Variants in NFAT5 observed in about 807,000 individuals in gnomAD.
NFAT5 encodes the protein nuclear factor of activated T cells 5.
In NFAT5, 31 loss-of-function variants were observed where a neutral mutation model predicts 166.5. The observed-to-expected ratio is 0.19, with a 90% CI of 0.14 to 0.25. The LOEUF is 0.25. Among genes scored for constraint, NFAT5 ranks in the 10% least tolerant of loss-of-function variants. NFAT5 has a pLI of 1.00. For missense variants in NFAT5, 1,449 were observed against 1,821.8 expected (o/e 0.80, Z 3.72); for synonymous variants, 612 against 639.7 (o/e 0.96, Z 0.65).
chr16:69,658,371 T>C (rs2035981002), intron 6 of NFAT5, among the ~76,000 whole-genome samples: 1 of 151,208 alleles, frequency 6.6e-6, no homozygotes, highest in Non-Finnish European at 1.5e-5. Flanking sequence ...TAGTCCCAGC[T>C]ACTTGAGAGG....
At chr16:69,597,158 A>G (rs998069574) in intron 2 of NFAT5, among the ~76,000 whole-genome samples, 7 of 152,174 alleles carry the variant, frequency 4.6e-5, no homozygotes, top group African/African-American at 9.7e-5. Flanking sequence ...GAATTGAAAG[A>G]AATTCAGTAT....
intron 2 of NFAT5, among the ~76,000 whole-genome samples, chr16:69,600,037 A>T (rs1450851520): frequency 1.3e-5 from 2 of 152,176 alleles, no homozygotes; most frequent in Non-Finnish European, 2.9e-5. Context: ...AGGTAATTGA[A>T]GTAGTTCAGG....
intron 2 of NFAT5, among the ~76,000 whole-genome samples, chr16:69,605,269 A>G (rs2033344185): frequency 6.6e-6 from 1 of 152,072 alleles, no homozygotes; most frequent in African/African-American, 2.4e-5. Context: ...GTGAAACCCC[A>G]TCTCTACTAA....
At chr16:69,609,019 G>T (rs998158209) in intron 2 of NFAT5, among the ~76,000 whole-genome samples, 1 of 151,514 alleles carries the variant, frequency 6.6e-6, no homozygotes, top group African/African-American at 2.4e-5. Context: ...TACTCGGGAG[G>T]CTGAGGCAGG....
At chr16:69,689,877 A>G (rs1407445716) in intron 11 of NFAT5, among the ~76,000 whole-genome samples, 2 of 152,232 alleles carry the variant, frequency 1.3e-5, no homozygotes, top group Non-Finnish European at 2.9e-5. Context: ...AACAACAACA[A>G]AAATTTATGA....
At chr16:69,605,237 C>G (rs1017048096) in intron 2 of NFAT5, among the ~76,000 whole-genome samples, 1 of 152,060 alleles carries the variant, frequency 6.6e-6, no homozygotes, top group Middle Eastern at 3.2e-3. Context: ...TTCAGGAGTT[C>G]GAGATCTGCC....
Position 69,566,548 on chromosome 16 carries a change from G to A in NFAT5, c.73+174G>A, listed in dbSNP as rs564493520. On this transcript the variant is annotated intron_variant, in intron 1 of 14. Transcript: ENST00000349945. The surrounding 1 kb of genome is among the most constrained non-coding windows in gnomAD (Gnocchi z 5.7). Reference sequence around the variant, plus strand: ...AAGGGATCGGGGTGACGGTGGAGGGGGCGGGCGGAGCAGTGGCGGCCCCTC... The same window carrying A: ...AAGGGATCGGGGTGACGGTGGAGGGAGCGGGCGGAGCAGTGGCGGCCCCTC... 1.1e-4 allele frequency among the ~76,000 whole-genome samples: 16 copies of A among 152,220 alleles called. No homozygotes were observed. The highest frequency in any genetic ancestry group is 3.4e-4 in the African/African-American group (14 of 41,558).
At chr16:69,573,120 G>C (rs1352769757) in intron 2 of NFAT5, among the ~76,000 whole-genome samples, 1 of 152,154 alleles carries the variant, frequency 6.6e-6, no homozygotes, top group Non-Finnish European at 1.5e-5. Flanking sequence ...AGGATTACGG[G>C]CATGTGCCAC....
intron 3 of NFAT5, among the ~76,000 whole-genome samples, chr16:69,631,612 G>A (rs750992063): frequency 6.6e-6 from 1 of 151,650 alleles, no homozygotes; most frequent in African/African-American, 2.4e-5. Context: ...ATACTTCATA[G>A]CAATTGTGCT....
At chr16:69,581,909 A>G (rs12102305) in intron 2 of NFAT5, among the ~76,000 whole-genome samples, 24,587 of 152,042 alleles carry the variant, frequency 0.16, 2,173 homozygotes, top group East Asian at 0.36. Context: ...CTTAAAATCT[A>G]TTTTCTTAGT....
intron 2 of NFAT5, among the ~76,000 whole-genome samples, chr16:69,577,648 T>G (rs1305524814): frequency 6.6e-6 from 1 of 152,104 alleles, no homozygotes; most frequent in African/African-American, 2.4e-5. Context: ...TGGGCAGGAT[T>G]AACTACAAAG....
chr16:69,585,260 C>T (rs984552934), intron 2 of NFAT5, among the ~76,000 whole-genome samples: 21 of 151,944 alleles, frequency 1.4e-4, no homozygotes, highest in African/African-American at 2.9e-4. Context: ...CCACCTGCCT[C>T]GGCCTCCCAA....
At chr16:69,649,985 A>G (rs2035600198) in intron 4 of NFAT5, among the ~76,000 whole-genome samples, 1 of 151,942 alleles carries the variant, frequency 6.6e-6, no homozygotes, top group African/African-American at 2.4e-5. Flanking sequence ...AAAGCTTAGT[A>G]TTTGAATATT....
chr16:69,695,162 C>T lies in NFAT5; in HGVS notation c.4441C>T (p.Pro1481Ser). The part of the protein sequence containing the change: ...NNCSQLLTSG[P>S]ATLPDQLMAI... ...CTGTAGTCAGCTTTTAACCTCTGGA[C>T]CAGCTACATTGCCTGATCAGTTGAT... The change falls in exon 14 of 15, where the codon CCA becomes TCA. Residue 1481 changes from proline to serine, a missense_variant. Transcript: ENST00000349945. 6.2e-7 allele frequency: 1 copy of T among 1,614,136 alleles called. No individual in the cohort carries two copies. The highest frequency in any genetic ancestry group is 8.5e-7 in the Non-Finnish European group (1 of 1,179,998).
chr16:69,673,743 A>C (rs2151678953), intron 9 of NFAT5, among the ~76,000 whole-genome samples: 1 of 152,154 alleles, frequency 6.6e-6, no homozygotes, highest in South Asian at 2.1e-4. Context: ...AAGACAACAC[A>C]CTTTGGATGT....
intron 4 of NFAT5, chr16:69,649,172 A>T: frequency 6.4e-6 from 6 of 943,072 alleles, no homozygotes; most frequent in Non-Finnish European, 6.3e-6. Context: ...TACAGCAGGT[A>T]AATACTTAAG....
At chr16:69,568,383 T>TATATATATACAC in intron 1 of NFAT5, 112 bp from the exon 2 acceptor site, 1 of 303,994 alleles carries the variant, frequency 3.3e-6, no homozygotes, top group Non-Finnish European at 5.7e-6. Flanking sequence ...TGTGTATATA[T>TATATATATACAC]ATATATATAT....
In NFAT5 at chr16:69,616,935, A is replaced by G. The variant is rs576246119; in HGVS notation, c.128-9468A>G. Among the ~76,000 whole-genome samples the G allele has an allele frequency of 2.0e-5, 3 of 149,658 alleles. No homozygotes were observed. In the East Asian group the frequency reaches 5.9e-4, roughly 29 times the overall value. On this transcript the variant is annotated intron_variant, in intron 2 of 14. Coordinates refer to ENST00000349945, the MANE Select transcript of NFAT5 (RefSeq NM_138713.4). ...TCCTCTTGGACTCCATCTGAGTCCA[A>G]AGTTCTTTTTTTTTTTTTTTTTTCT...
At chr16:69,605,329 A>G (rs933427515) in intron 2 of NFAT5, among the ~76,000 whole-genome samples, 1 of 152,248 alleles carries the variant, frequency 6.6e-6, no homozygotes, top group Admixed American at 6.5e-5. Context: ...AATTCTAGCT[A>G]CTTGGGAGGC....
Sources: allele counts gnomAD v4.1 joint callset (sites outside exome capture counted in the v4.1 genomes callset), GRCh38; gene constraint gnomAD v4.1.1; non-coding constraint Gnocchi (gnomAD v3.1); transcripts MANE v1.5; gene names NCBI Gene and HGNC (gene_info 2026-07-23, HGNC 2026-07-21).